KALRN: variants seen among roughly 807,000 people sequenced by gnomAD.
KALRN encodes the protein kalirin RhoGEF kinase, also known as kalirin.
A neutral mutation model predicts 353.7 loss-of-function variants in KALRN; 70 were observed. The observed-to-expected ratio is 0.20, with a 90% CI of 0.16 to 0.24. KALRN has a LOEUF of 0.24. Among genes scored for constraint, KALRN ranks in the 10% least tolerant of loss-of-function variants. The probability of loss-of-function intolerance (pLI) is 1.00; values close to 1 mark genes in which losing one functional copy is unlikely to be tolerated. For missense variants in KALRN, 2,791 were observed against 3,756.7 expected (o/e 0.74, Z 6.72); for synonymous variants, 1,391 against 1,434.8 (o/e 0.97, Z 0.69).
At chr3:124,405,986 A>G (rs1328302541) in intron 13 of KALRN, among the ~76,000 whole-genome samples, 1 of 152,250 alleles carries the variant, frequency 6.6e-6, no homozygotes, top group African/African-American at 2.4e-5. Flanking sequence ...AGAAAAGAAC[A>G]TAAAATTGGC....
At position 124,674,363 on chromosome 3, in the gene KALRN, G is replaced by T. The variant is rs1219425319; in HGVS notation, c.6943-1G>T. The T allele has an allele frequency of 6.2e-7, 1 of 1,611,688 alleles. No homozygotes were observed. Among genetic ancestry groups the T allele is most frequent in the East Asian group, 2.2e-5 (1 of 44,814 alleles). On this transcript the variant is annotated splice_acceptor_variant, in intron 48 of 59. Transcript: ENST00000682506. LOFTEE classifies it high-confidence loss of function. ...CCCCTCTCACCCTTATCTCCCAGCA[G>T]AACGACCTGGGAGGCTGCAATGGGA...
intron 28 of KALRN, among the ~76,000 whole-genome samples, chr3:124,483,746 G>A (rs1018689756): frequency 2.0e-5 from 3 of 152,122 alleles, no homozygotes; most frequent in Admixed American, 6.5e-5. Context: ...GTAGGTTCTC[G>A]CATGTTAGGG....
At chr3:124,617,555 G>A (rs777679966) in intron 34 of KALRN, among the ~76,000 whole-genome samples, 11 of 152,174 alleles carry the variant, frequency 7.2e-5, no homozygotes, top group Non-Finnish European at 1.3e-4. Context: ...GTATAAGCAG[G>A]GAAGAATGCA....
At chr3:124,148,767 GA>G (rs1168945733) in intron 1 of KALRN, among the ~76,000 whole-genome samples, 4 of 152,086 alleles carry the variant, frequency 2.6e-5, no homozygotes, top group Admixed American at 2.0e-4. Context: ...GGCCACCTGA[GA>G]AGGTTATTAT....
At chr3:124,522,586 C>T (rs188873572) in intron 33 of KALRN, among the ~76,000 whole-genome samples, 124 of 152,280 alleles carry the variant, frequency 8.1e-4, no homozygotes, top group African/African-American at 2.8e-3. Context: ...CTTGAGTGTA[C>T]ATCAGAATTG....
chr3:124,625,454 G>A (rs1326387611), intron 34 of KALRN, among the ~76,000 whole-genome samples: 1 of 152,098 alleles, frequency 6.6e-6, no homozygotes, highest in African/African-American at 2.4e-5. Context: ...AGGTATGATG[G>A]CTCATGCCTG....
chr3:124,558,919 C>A (rs1482865750), intron 33 of KALRN, among the ~76,000 whole-genome samples: 2 of 152,232 alleles, frequency 1.3e-5, no homozygotes, highest in African/African-American at 2.4e-5. Context: ...GAAACCATCA[C>A]AGAATAACTG....
At chr3:124,160,939 G>A (rs2069837813) in intron 1 of KALRN, among the ~76,000 whole-genome samples, 1 of 152,214 alleles carries the variant, frequency 6.6e-6, no homozygotes, top group Non-Finnish European at 1.5e-5. Flanking sequence ...TGAGAAGGAA[G>A]ATAGGGGGAG....
chr3:124,431,546 C>T (rs1226310684), intron 16 of KALRN, among the ~76,000 whole-genome samples: 6 of 151,772 alleles, frequency 4.0e-5, no homozygotes, highest in East Asian at 1.9e-4. Context: ...GGAAATGGGA[C>T]GTGGGAACTA....
chr3:124,517,309 G>A (rs2066719565), intron 33 of KALRN, among the ~76,000 whole-genome samples: 1 of 152,128 alleles, frequency 6.6e-6, no homozygotes, highest in Non-Finnish European at 1.5e-5. Flanking sequence ...TCAGCTTGAT[G>A]CTGAAGTATT....
intron 1 of KALRN, among the ~76,000 whole-genome samples, chr3:124,165,573 CCTT>C (rs2150057604): frequency 6.6e-6 from 1 of 152,330 alleles, no homozygotes; most frequent in East Asian, 1.9e-4. Context: ...TCACACTGCT[CCTT>C]CTTTGCGTCT....
chr3:124,644,344 T>C (rs2082447593), intron 37 of KALRN, among the ~76,000 whole-genome samples: 1 of 151,552 alleles, frequency 6.6e-6, no homozygotes, highest in Non-Finnish European at 1.5e-5. Flanking sequence ...TTTTTTTTTA[T>C]ACTTTAAGTT....
At chr3:124,571,617 T>C (rs1488699782) in intron 34 of KALRN, among the ~76,000 whole-genome samples, 1 of 152,230 alleles carries the variant, frequency 6.6e-6, no homozygotes, top group Admixed American at 6.5e-5. Flanking sequence ...TCTGTTTTTT[T>C]CTCTCTGCAT....
intron 1 of KALRN, among the ~76,000 whole-genome samples, chr3:124,224,501 A>T (rs2078271051): frequency 6.6e-6 from 1 of 152,184 alleles, no homozygotes; most frequent in South Asian, 2.1e-4. Flanking sequence ...CACAAGTGTG[A>T]TCTAGAGTTT....
At chr3:124,041,961 T>C (rs2040008036) in intron 1 of KALRN, among the ~76,000 whole-genome samples, 1 of 152,128 alleles carries the variant, frequency 6.6e-6, no homozygotes, top group South Asian at 2.1e-4. Context: ...CCTATGACAT[T>C]ATTAGAAGGG....
At chr3:124,192,880 G>T (rs1358810677) in intron 1 of KALRN, among the ~76,000 whole-genome samples, 1 of 152,214 alleles carries the variant, frequency 6.6e-6, no homozygotes, top group Non-Finnish European at 1.5e-5. Flanking sequence ...GCTACAGTCT[G>T]TGGGGTGTTT....
intron 4 of KALRN, among the ~76,000 whole-genome samples, chr3:124,265,298 C>CTTTTTTTGTTTTTTTTTTTTTTTTTTTTT (rs2073376789): frequency 1.4e-5 from 1 of 73,124 alleles, no homozygotes; most frequent in African/African-American, 5.4e-5. Context: ...AGAAAATATT[C>CTTTTTTTGTTTTTTTTTTTTTTTTTTTTT]TTTTTTTTTT....
rs371139578 is a variant in KALRN, at chr3:124,584,035, C to T, written c.5182+20946C>T. ...AAATTTTTTAAAGAAAATCTACAACCGTGGAATATAGGAATTCTTTTACAT... is the reference window on the plus strand; with the variant it reads ...AAATTTTTTAAAGAAAATCTACAACTGTGGAATATAGGAATTCTTTTACAT... On this transcript the variant is annotated intron_variant, in intron 34 of 59. Transcript: ENST00000682506. Among the ~76,000 whole-genome samples the T allele has an allele frequency of 9.2e-5, 14 of 152,100 alleles. No individual in the cohort carries two copies. The East Asian group carries it at 2.5e-3, about 27-fold the overall frequency.
rs753311738 is a variant in KALRN at position 124,395,347 on chromosome 3, A to G, written c.2171+4A>G. On this transcript the variant is annotated splice_donor_region_variant and intron_variant, in intron 12 of 59. Coordinates refer to ENST00000682506, the MANE Select transcript of KALRN (RefSeq NM_001388419.1). Reference sequence around the variant, plus strand: ...TCGGGGAGCCCAGCGAGGCCAGGTCAGCATGGGCAGAGCTTTCCAGTGGGA... The same window carrying G: ...TCGGGGAGCCCAGCGAGGCCAGGTCGGCATGGGCAGAGCTTTCCAGTGGGA... The G allele has an allele frequency of 1.2e-5, 20 of 1,608,686 alleles. No homozygotes were observed. Among genetic ancestry groups the G allele is most frequent in the Admixed American group, 3.4e-5 (2 of 59,244 alleles).
Sources: allele counts gnomAD v4.1 joint callset (sites outside exome capture counted in the v4.1 genomes callset), GRCh38; gene constraint gnomAD v4.1.1; transcripts MANE v1.5; gene names NCBI Gene and HGNC (gene_info 2026-07-23, HGNC 2026-07-21).